VPS51: variants seen among roughly 807,000 people sequenced by gnomAD.
The protein encoded by VPS51 is VPS51 subunit of GARP complex, also known as vacuolar protein sorting-associated protein 51 homolog.
A neutral mutation model predicts 65.1 loss-of-function variants in VPS51; 55 were observed. The observed-to-expected ratio is 0.84, with a 90% CI of 0.68 to 1.06. The LOEUF (loss-of-function observed/expected upper bound fraction) is 1.06, where lower values mean the gene tolerates loss of function less well. Among genes scored for constraint, VPS51 ranks in the 50% least tolerant of loss-of-function variants. The probability of loss-of-function intolerance (pLI) is 0.00; values close to 1 mark genes in which losing one functional copy is unlikely to be tolerated. For missense variants in VPS51, 943 were observed against 1,101.6 expected (o/e 0.86, Z 2.04); for synonymous variants, 473 against 489.5 (o/e 0.97, Z 0.44).
chr11:65,106,118 G>A (rs1207466161), intron 2 of VPS51, among the ~76,000 whole-genome samples: 2 of 152,228 alleles, frequency 1.3e-5, no homozygotes, highest in Non-Finnish European at 2.9e-5. Context: ...TTGTTGGTAT[G>A]TTCAATGGAA....
At position 65,109,476 on chromosome 11, in the gene VPS51, A is replaced by T. The variant is rs780989797; in HGVS notation, c.1640A>T (p.Asp547Val). ...ATISYILTLT[D>V]EQFLVQDQFP... ...ATCTCCTACATCCTCACTCTCACTG[A>T]TGAACAGTTTCTGGTGCAGGTGAAG... is the stretch of plus-strand genomic sequence containing the variant. The change falls in exon 6 of 10, where the codon GAT becomes GTT. Residue 547 changes from aspartate (D) to valine (V), a missense_variant. Asp to Val is a radical substitution (Grantham distance 152, BLOSUM62 -3). Transcript: ENST00000279281. 1 of 1,606,718 alleles carries T rather than the reference A, an allele frequency of 6.2e-7. No individual in the cohort carries two copies. Among genetic ancestry groups the T allele is most frequent in the Non-Finnish European group, 8.5e-7 (1 of 1,179,978 alleles).
intron 2 of VPS51, among the ~76,000 whole-genome samples, chr11:65,106,794 A>G (rs1457910556): frequency 1.3e-5 from 2 of 151,350 alleles, no homozygotes; most frequent in Non-Finnish European, 2.9e-5. Flanking sequence ...TGAGGCCGTC[A>G]GTGAACAGTC....
At chr11:65,097,563 T>A in intron 2 of VPS51, among the ~76,000 whole-genome samples, 1 of 152,054 alleles carries the variant, frequency 6.6e-6, no homozygotes, top group South Asian at 2.1e-4. Context: ...TCTGAAGCAC[T>A]TAAAAGGCCA....
rs779961097 is a variant in VPS51, at chr11:65,109,710, G to A, written c.1665G>A (p.Gln555=). The stretch of plus-strand genomic sequence containing the variant: ...CCTCTGCCTCCTTGGCTCAGGATCA[G>A]TTCCCAGTGACGCCCGTGAGCACGC... ...LTDEQFLVQD[Q]FPVTPVSTLC... The change falls in exon 7 of 10, where the codon CAG becomes CAA. Residue 555 remains glutamine, a synonymous_variant. Transcript: ENST00000279281. 1 of 1,567,340 alleles carries A rather than the reference G, an allele frequency of 6.4e-7. No homozygotes were observed. Among genetic ancestry groups the A allele is most frequent in the Non-Finnish European group, 8.7e-7 (1 of 1,155,600 alleles).
rs544293367 is a variant in VPS51, at chr11:65,108,358, C to T, written c.887C>T (p.Pro296Leu). The change falls in exon 5 of 10, where the codon CCG becomes CTG. Residue 296 changes from proline (P) to leucine (L), a missense_variant. This residue lies in a region of VPS51 where 855 missense variants were observed against 953.7 expected (regional missense o/e 0.90). Transcript: ENST00000279281. The stretch of plus-strand genomic sequence containing the variant: ...GAGGCCGAGCTGGGGCCCTCACCTC[C>T]GGCTCCCGACGTGTTAGAGTTCACC... ...NLEAELGPSP[P>L]APDVLEFTDH... 7.4e-6 allele frequency: 12 copies of T among 1,612,042 alleles called. No homozygotes were observed. Among genetic ancestry groups the T allele is most frequent in the Admixed American group, 1.7e-5 (1 of 59,992 alleles).
rs758197042 is a variant in VPS51 at position 65,097,138 on chromosome 11, C to G, written c.358+11C>G. Reference sequence around the variant, plus strand: ...TCATCTCAGCCACAGGTGATCCCCACGGGGACACACCCTCCAAAGTCTCAC... The same window carrying G: ...TCATCTCAGCCACAGGTGATCCCCAGGGGGACACACCCTCCAAAGTCTCAC... On this transcript the variant is annotated intron_variant, in intron 2 of 9. Coordinates refer to ENST00000279281, the MANE Select transcript of VPS51 (RefSeq NM_013265.4). The G allele has an allele frequency of 6.2e-7, 1 of 1,613,510 alleles. No homozygotes were observed. Among genetic ancestry groups the G allele is most frequent in the Non-Finnish European group, 8.5e-7 (1 of 1,179,874 alleles).
rs982628175 is a variant in VPS51, at chr11:65,107,225, G to A, written c.359-356G>A. ...CACGCAGATGCGCTTGGGAGCCAGC[G>A]GTCCCTGCCTTGGCTGCTTGTGGTC... On this transcript the variant is annotated intron_variant, in intron 2 of 9. Transcript: ENST00000279281. The surrounding 1 kb of genome is among the most constrained non-coding windows in gnomAD (Gnocchi z 4.0). 16 of 501,376 alleles carry A rather than the reference G, an allele frequency of 3.2e-5. No homozygotes were observed. The highest frequency in any genetic ancestry group is 2.3e-4 in the African/African-American group (12 of 51,972). 31.1% of individuals were successfully genotyped at this position (501,376 alleles called of 1,614,324 possible).
chr11:65,109,956 G>T (rs765097983), intron 7 of VPS51, 33 bp downstream of exon 7: 1 of 1,551,350 alleles, frequency 6.4e-7, no homozygotes, highest in Non-Finnish European at 8.7e-7. Context: ...TAGCCCTGAC[G>T]CAGGCTGGGG....
rs1947768903 is a variant in VPS51, at chr11:65,096,414, C to T, written c.164C>T (p.Pro55Leu). The change falls in exon 1 of 10, where the codon CCC becomes CTC. Residue 55 changes from proline to leucine, a missense_variant. Pro to Leu is a moderately conservative substitution (Grantham distance 98, BLOSUM62 -3). Transcript: ENST00000279281. ...GAGGCGGCGGGACGCCCCGCGGGGC[C>T]CGACCCCCTGGACCCGACTGATCTG... The part of the protein sequence containing the change: ...EGEAAGRPAG[P>L]DPLDPTDLNG... 2 of 1,543,460 alleles carry T rather than the reference C, an allele frequency of 1.3e-6. No homozygotes were observed. Among genetic ancestry groups the T allele is most frequent in the East Asian group, 4.9e-5 (2 of 40,920 alleles).
chr11:65,110,045 G>A, intron 7 of VPS51, 122 bp downstream of exon 7: 1 of 1,113,184 alleles, frequency 9.0e-7, no homozygotes, highest in Non-Finnish European at 1.3e-6. Context: ...ATGTGTATCT[G>A]GGCTTCTCAC....
chr11:65,109,086 G>A, intron 5 of VPS51, 172 bp downstream of exon 5: 2 of 1,031,378 alleles, frequency 1.9e-6, no homozygotes, highest in Admixed American at 5.2e-5. Flanking sequence ...GGGCTGAGAA[G>A]CAGGGCATGG....
At position 65,108,371 on chromosome 11, in the gene VPS51, G is replaced by C. The variant is rs760025279; in HGVS notation, c.900G>C (p.Val300=). 1 of 1,612,312 alleles carries C rather than the reference G, an allele frequency of 6.2e-7. No individual in the cohort carries two copies. The highest frequency in any genetic ancestry group is 1.1e-5 in the South Asian group (1 of 91,078). ...ELGPSPPAPD[V]LEFTDHGGSG... ...GGCCCTCACCTCCGGCTCCCGACGT[G>C]TTAGAGTTCACCGACCATGGAGGCA... Residue 300 remains valine, a synonymous_variant, in exon 5 of 10, where the codon GTG becomes GTC. Coordinates refer to ENST00000279281, the MANE Select transcript of VPS51 (RefSeq NM_013265.4).
Position 65,111,479 on chromosome 11 carries a change from ACT to A in VPS51, c.2243_2244del (p.Leu748ArgfsTer28). 2 of 1,613,714 alleles carry A rather than the reference ACT, an allele frequency of 1.2e-6. No homozygotes were observed. The highest frequency in any genetic ancestry group is 1.7e-6 in the Non-Finnish European group (2 of 1,179,960). Reference sequence around the variant, plus strand: ...TGTGGCGTTTTGTGGCCGACGAAGAACTCGTGCACTTGCTGCTGGACGAAGTG... The same window carrying A: ...TGTGGCGTTTTGTGGCCGACGAAGAACGTGCACTTGCTGCTGGACGAAGTG... ...YLWRFVADEELVHLLLDEVVA... is the reference protein window; with the variant it reads ...YLWRFVADEEXVHLLLDEVVA... On this transcript the variant is annotated frameshift_variant, in exon 10 of 10. Coordinates refer to ENST00000279281, the MANE Select transcript of VPS51 (RefSeq NM_013265.4). LOFTEE classifies it high-confidence loss of function.
intron 2 of VPS51, among the ~76,000 whole-genome samples, chr11:65,098,669 T>C (rs182243245): frequency 6.6e-6 from 1 of 152,338 alleles, no homozygotes; most frequent in Admixed American, 6.5e-5. Context: ...TTGAAGCAGA[T>C]TCCATGAGTA....
intron 2 of VPS51, among the ~76,000 whole-genome samples, chr11:65,098,384 G>T (rs1272260276): frequency 6.6e-6 from 1 of 152,132 alleles, no homozygotes; most frequent in Non-Finnish European, 1.5e-5. Context: ...ATCATGTCGA[G>T]GCTTTTTTTT....
At position 65,096,235 on chromosome 11, in the gene VPS51, G is replaced by C. The variant is rs1947766310; in HGVS notation, c.-16G>C. On this transcript the variant is annotated 5_prime_UTR_variant, in exon 1 of 10. Coordinates refer to ENST00000279281, the MANE Select transcript of VPS51 (RefSeq NM_013265.4). ...CTTCCTTTCCAGCCTCACGCCCGTG[G>C]GCTGCAGTTGGAACGATGGCGGCGG... 1 of 1,526,472 alleles carries C rather than the reference G, an allele frequency of 6.6e-7. No individual in the cohort carries two copies. Among genetic ancestry groups the C allele is most frequent in the South Asian group, 1.2e-5 (1 of 82,698 alleles). 94.6% of individuals were successfully genotyped at this position (1,526,472 alleles called of 1,614,324 possible).
chr11:65,100,508 C>G (rs1947800593), intron 2 of VPS51, among the ~76,000 whole-genome samples: 1 of 146,230 alleles, frequency 6.8e-6, no homozygotes, highest in Non-Finnish European at 1.5e-5. Flanking sequence ...AACATGTACA[C>G]AAGTGTTCAT....
intron 2 of VPS51, among the ~76,000 whole-genome samples, chr11:65,101,762 C>CAAAAAAA (rs1165429983): frequency 6.5e-4 from 17 of 26,348 alleles, no homozygotes; most frequent in Non-Finnish European, 1.0e-3. Flanking sequence ...GACCTTGTCT[C>CAAAAAAA]AAAAAAAAAA....
chr11:65,107,794 G>A lies in VPS51; in HGVS notation c.506-9G>A, dbSNP rs758076526. The stretch of plus-strand genomic sequence containing the variant: ...GGCTCTGGGGCTAACGTCACCCTCC[G>A]TCCCCCAGGGGTCCACGCGCTGCTG... On this transcript the variant is annotated splice_polypyrimidine_tract_variant and intron_variant, in intron 3 of 9. Transcript: ENST00000279281. This position sits in a 1 kb window ranked among gnomAD's most constrained non-coding sequence, Gnocchi z 4.0. The A allele has an allele frequency of 4.4e-6, 7 of 1,593,444 alleles. No individual in the cohort carries two copies. In the Admixed American group the frequency reaches 1.2e-4, roughly 28 times the overall value.
Sources: allele counts gnomAD v4.1 joint callset (sites outside exome capture counted in the v4.1 genomes callset), GRCh38; gene constraint gnomAD v4.1.1; regional missense constraint gnomAD v4.1.1; non-coding constraint Gnocchi (gnomAD v3.1); transcripts MANE v1.5; gene names NCBI Gene and HGNC (gene_info 2026-07-23, HGNC 2026-07-21).